TCF7L2: variants seen among roughly 807,000 people sequenced by gnomAD.
The protein encoded by TCF7L2 is transcription factor 7 like 2.
TCF7L2 carries 23 observed loss-of-function variants against 77.9 expected under a neutral mutation model. That is an observed-to-expected ratio of 0.30 (90% CI 0.21 to 0.42). The LOEUF is 0.42. TCF7L2 is among the 10% of genes least tolerant of loss of function. TCF7L2 has a pLI of 1.00. For missense variants in TCF7L2, 654 were observed against 793.1 expected, an observed-to-expected ratio of 0.82 and a Z score of 2.11; for synonymous variants, 413 against 340.2, an observed-to-expected ratio of 1.21 and a Z score of -2.36.
intron 13 of TCF7L2, chr10:113,161,321 G>A (rs764884432): frequency 2.1e-5 from 11 of 519,492 alleles, no homozygotes; most frequent in East Asian, 1.9e-4. Context: ...AGACTGCAGC[G>A]TCCCTAGGCC....
chr10:113,163,478 G>C (rs2073528091), intron 13 of TCF7L2, among the ~76,000 whole-genome samples: 1 of 151,682 alleles, frequency 6.6e-6, no homozygotes, highest in South Asian at 2.1e-4. Flanking sequence ...TGCTTTCTCA[G>C]TTTTGCTTAT....
At chr10:113,145,961 C>A (rs1256653463) in intron 7 of TCF7L2, 50 bp from the exon 8 acceptor site, 11 of 1,173,404 alleles carry the variant, frequency 9.4e-6, no homozygotes, top group South Asian at 9.2e-5. Flanking sequence ...TTTCTTGTCC[C>A]CACCCCCACC....
intron 4 of TCF7L2, among the ~76,000 whole-genome samples, chr10:112,980,681 G>A (rs562332985): frequency 2.0e-5 from 3 of 151,220 alleles, no homozygotes; most frequent in Admixed American, 6.6e-5. Flanking sequence ...TGGATGGAGT[G>A]CAGTGGCACG....
chr10:113,039,909 A>C, intron 4 of TCF7L2, 116 bp from the exon 5 acceptor site: 1 of 819,878 alleles, frequency 1.2e-6, no homozygotes. Flanking sequence ...GATTATTTGC[A>C]TGCTTGTATG....
At chr10:112,992,803 A>AG (rs2042814126) in intron 4 of TCF7L2, among the ~76,000 whole-genome samples, 6 of 150,668 alleles carry the variant, frequency 4.0e-5, no homozygotes, top group African/African-American at 1.5e-4. Context: ...TCACTCTGTC[A>AG]CCCAGGCTGG....
At chr10:112,982,384 A>T (rs1053121050) in intron 4 of TCF7L2, among the ~76,000 whole-genome samples, 1 of 152,210 alleles carries the variant, frequency 6.6e-6, no homozygotes, top group African/African-American at 2.4e-5. Flanking sequence ...GGCCTAGTCC[A>T]GTACCTGGCA....
At chr10:113,146,257 A>G (rs1225096980) in intron 8 of TCF7L2, among the ~76,000 whole-genome samples, 160 bp downstream of exon 8, 1 of 152,220 alleles carries the variant, frequency 6.6e-6, no homozygotes, top group Non-Finnish European at 1.5e-5. Context: ...ATCCTGAAAA[A>G]TTGCCCTGAA....
chr10:113,027,568 T>G (rs1321907775), intron 4 of TCF7L2, among the ~76,000 whole-genome samples: 1 of 152,152 alleles, frequency 6.6e-6, no homozygotes, highest in Non-Finnish European at 1.5e-5. Context: ...GTGTCCAAAG[T>G]GCTTGGAATA....
intron 11 of TCF7L2, 120 bp downstream of exon 11, chr10:113,152,560 C>T (rs369443870): frequency 2.4e-5 from 18 of 746,196 alleles, no homozygotes; most frequent in African/African-American, 1.6e-4. Context: ...CCAATCTGCC[C>T]GCTTTGGGGA....
At chr10:113,062,626 AT>A (rs955720675) in intron 5 of TCF7L2, among the ~76,000 whole-genome samples, 1 of 151,974 alleles carries the variant, frequency 6.6e-6, no homozygotes, top group African/African-American at 2.4e-5. Context: ...TAAACAGATA[AT>A]GGTTAAGAGA....
chr10:112,974,743 G>C (rs1237266376), intron 4 of TCF7L2, among the ~76,000 whole-genome samples: 1 of 152,048 alleles, frequency 6.6e-6, no homozygotes, highest in Non-Finnish European at 1.5e-5. Flanking sequence ...GCGCCCGGCT[G>C]TCTGCTGGTA....
intron 5 of TCF7L2, among the ~76,000 whole-genome samples, chr10:113,101,677 C>T (rs749229384): frequency 7.3e-5 from 11 of 151,020 alleles, no homozygotes; most frequent in Non-Finnish European, 1.3e-4. Context: ...TCTGTCTCTA[C>T]TAAAAAATAC....
At chr10:113,107,936 T>C (rs2062611036) in intron 5 of TCF7L2, among the ~76,000 whole-genome samples, 1 of 152,070 alleles carries the variant, frequency 6.6e-6, no homozygotes, top group African/African-American at 2.4e-5. Flanking sequence ...TTAGGTTCCT[T>C]AATAAAAATA....
chr10:113,028,445 C>G (rs1205523306), intron 4 of TCF7L2, among the ~76,000 whole-genome samples: 1 of 152,064 alleles, frequency 6.6e-6, no homozygotes, highest in Non-Finnish European at 1.5e-5. Context: ...TGTAGCGTTA[C>G]GAAGCATCTC....
intron 4 of TCF7L2, among the ~76,000 whole-genome samples, chr10:112,973,331 A>G (rs530925126): frequency 2.0e-5 from 3 of 152,170 alleles, no homozygotes; most frequent in Non-Finnish European, 4.4e-5. Context: ...CTGTTAGGTT[A>G]TACTCACTCA....
At chr10:113,054,269 TC>T (rs1396890780) in intron 5 of TCF7L2, among the ~76,000 whole-genome samples, 1 of 152,254 alleles carries the variant, frequency 6.6e-6, no homozygotes, top group Non-Finnish European at 1.5e-5. Context: ...AAATCACAAA[TC>T]TTTCTGGTAA....
At chr10:113,034,365 G>A (rs2050766260) in intron 4 of TCF7L2, among the ~76,000 whole-genome samples, 1 of 152,208 alleles carries the variant, frequency 6.6e-6, no homozygotes, top group African/African-American at 2.4e-5. Flanking sequence ...ATTTGTAGGG[G>A]GTCAGTATGA....
At chr10:113,131,300 A>C (rs942842167) in intron 5 of TCF7L2, among the ~76,000 whole-genome samples, 12 of 152,214 alleles carry the variant, frequency 7.9e-5, no homozygotes, top group South Asian at 2.1e-4. Context: ...AAAACACAAG[A>C]TCATAGATAG....
At chr10:113,031,763 A>C (rs1006098605) in intron 4 of TCF7L2, among the ~76,000 whole-genome samples, 3 of 152,170 alleles carry the variant, frequency 2.0e-5, no homozygotes, top group Non-Finnish European at 4.4e-5. Flanking sequence ...TGCTGGGATT[A>C]CAGGCATGAG....
Sources: allele counts gnomAD v4.1 joint callset (sites outside exome capture counted in the v4.1 genomes callset), GRCh38; gene constraint gnomAD v4.1.1; transcripts MANE v1.5; gene names NCBI Gene and HGNC (gene_info 2026-07-23, HGNC 2026-07-21).